Variants in CCSER1 observed in about 807,000 individuals in gnomAD.
CCSER1 encodes the protein serine-rich coiled-coil domain-containing protein 1.
A neutral mutation model predicts 82.0 loss-of-function variants in CCSER1; 41 were observed. The observed-to-expected ratio is 0.50, with a 90% CI of 0.39 to 0.65. The LOEUF is 0.65. Ranked by LOEUF, CCSER1 falls within the 30% of genes least tolerant of loss-of-function variation. The probability of loss-of-function intolerance (pLI) is 0.00; values close to 1 mark genes in which losing one functional copy is unlikely to be tolerated. For missense variants in CCSER1, 1,119 were observed against 1,064.2 expected (o/e 1.05, Z -0.72); for synonymous variants, 414 against 383.9 (o/e 1.08, Z -0.92).
intron 6 of CCSER1, among the ~76,000 whole-genome samples, chr4:90,718,419 T>C (rs1040358591): frequency 6.6e-6 from 1 of 152,138 alleles, no homozygotes; most frequent in Non-Finnish European, 1.5e-5. Flanking sequence ...GCATAATTAA[T>C]GGATCTGTAC....
chr4:90,919,029 A>T lies in CCSER1; in HGVS notation c.2095-4341A>T, dbSNP rs188685702. On this transcript the variant is annotated intron_variant, in intron 8 of 10. Transcript: ENST00000509176. ...TTTATATTAGTAGGCATTCTGTGGA[A>T]TTGTGCTTTTACAGGAAATACATTG... Among the ~76,000 whole-genome samples the T allele has an allele frequency of 2.0e-4, 29 of 146,262 alleles. No homozygotes were observed. In the East Asian group the frequency reaches 6.0e-3, roughly 30 times the overall value.
intron 5 of CCSER1, among the ~76,000 whole-genome samples, chr4:90,473,462 A>C (rs1440084853): frequency 6.6e-6 from 1 of 152,168 alleles, no homozygotes; most frequent in Non-Finnish European, 1.5e-5. Context: ...ACATATTGTC[A>C]TTCTCTCCAA....
chr4:90,467,102 C>T (rs116326781), intron 4 of CCSER1, among the ~76,000 whole-genome samples: 1,774 of 152,086 alleles, frequency 0.012, 14 homozygotes, highest in South Asian at 0.022. Flanking sequence ...AAAGAATATG[C>T]GTGGGCCGGG....
At chr4:90,390,608 T>C (rs1561150086) in intron 3 of CCSER1, among the ~76,000 whole-genome samples, 1 of 152,196 alleles carries the variant, frequency 6.6e-6, no homozygotes, top group Non-Finnish European at 1.5e-5. Context: ...GCAAAAGACA[T>C]GCTTTTGTCC....
intron 9 of CCSER1, among the ~76,000 whole-genome samples, chr4:90,950,884 T>TCTATG (rs1732837697): frequency 6.6e-6 from 1 of 152,142 alleles, no homozygotes. Context: ...ATGTTACATT[T>TCTATG]CTAAGTTTCA....
chr4:90,551,704 C>CTCTCTCTA (rs1553940936), intron 5 of CCSER1, among the ~76,000 whole-genome samples: 2 of 107,538 alleles, frequency 1.9e-5, no homozygotes, highest in Non-Finnish European at 3.6e-5. Context: ...CTCTCTCTCT[C>CTCTCTCTA]TCTATATATA....
intron 5 of CCSER1, among the ~76,000 whole-genome samples, chr4:90,555,207 C>G (rs1257020709): frequency 6.6e-6 from 1 of 151,642 alleles, no homozygotes; most frequent in Non-Finnish European, 1.5e-5. Flanking sequence ...TACATAGGAA[C>G]GTTTCTTGAT....
chr4:90,397,377 C>CA (rs910833906), intron 3 of CCSER1, among the ~76,000 whole-genome samples: 6 of 151,970 alleles, frequency 3.9e-5, no homozygotes, highest in Non-Finnish European at 1.5e-5. Context: ...TTTCCCTGTT[C>CA]AAAAAATAAA....
intron 1 of CCSER1, among the ~76,000 whole-genome samples, chr4:90,227,853 G>T (rs549198344): frequency 3.3e-5 from 5 of 152,340 alleles, no homozygotes; most frequent in Admixed American, 3.3e-4. Flanking sequence ...GTCAAAGAAA[G>T]GGGTGACAGA....
chr4:91,213,157 G>A (rs926570409), intron 10 of CCSER1, among the ~76,000 whole-genome samples: 1 of 152,008 alleles, frequency 6.6e-6, no homozygotes, highest in Non-Finnish European at 1.5e-5. Flanking sequence ...CACCTTGGTT[G>A]ATTCCATGTC....
intron 8 of CCSER1, among the ~76,000 whole-genome samples, chr4:90,915,607 G>A (rs1453272203): frequency 2.0e-5 from 3 of 152,106 alleles, no homozygotes; most frequent in Non-Finnish European, 4.4e-5. Context: ...ACTGGCACAA[G>A]ACAGGGATGC....
chr4:90,270,359 C>A (rs554837838), intron 1 of CCSER1, among the ~76,000 whole-genome samples: 18 of 152,056 alleles, frequency 1.2e-4, no homozygotes, highest in Admixed American at 3.3e-4. Flanking sequence ...GATGATTCAA[C>A]ATATGCAAAT....
At chr4:91,135,872 A>G (rs1459078233) in intron 10 of CCSER1, among the ~76,000 whole-genome samples, 1 of 152,176 alleles carries the variant, frequency 6.6e-6, no homozygotes. Context: ...ACTAATCTAT[A>G]TTTGATGGTC....
chr4:90,606,444 A>G (rs915251968), intron 5 of CCSER1, among the ~76,000 whole-genome samples: 2 of 152,206 alleles, frequency 1.3e-5, no homozygotes, highest in African/African-American at 2.4e-5. Context: ...TAGCTATGAC[A>G]TCACGAGGCA....
chr4:90,674,749 C>G (rs1733510400), intron 6 of CCSER1, among the ~76,000 whole-genome samples: 1 of 151,648 alleles, frequency 6.6e-6, no homozygotes, highest in Non-Finnish European at 1.5e-5. Flanking sequence ...TCAGGCTTCT[C>G]TCCTTTTTTT....
At chr4:90,575,726 A>G (rs1780674152) in intron 5 of CCSER1, among the ~76,000 whole-genome samples, 1 of 152,034 alleles carries the variant, frequency 6.6e-6, no homozygotes, top group Admixed American at 6.6e-5. Flanking sequence ...TTTTACTCTT[A>G]ATTCTATTCT....
At chr4:90,892,709 CT>C (rs1402324160) in intron 8 of CCSER1, among the ~76,000 whole-genome samples, 3 of 151,764 alleles carry the variant, frequency 2.0e-5, no homozygotes, top group African/African-American at 7.3e-5. Context: ...TTATTGATTT[CT>C]TAACTTAAAA....
chr4:90,232,332 A>G (rs1304863171), intron 1 of CCSER1, among the ~76,000 whole-genome samples: 1 of 151,546 alleles, frequency 6.6e-6, no homozygotes, highest in African/African-American at 2.4e-5. Flanking sequence ...ATCTACAACT[A>G]TCTGATCTTT....
intron 1 of CCSER1, among the ~76,000 whole-genome samples, chr4:90,208,330 A>G (rs566008331): frequency 2.6e-5 from 4 of 152,274 alleles, no homozygotes; most frequent in African/African-American, 9.6e-5. Flanking sequence ...CTCAAGCCTC[A>G]GTAATGGCAG....
Sources: gnomAD v4.1 joint callset for allele counts (sites outside exome capture counted in the v4.1 genomes callset) on GRCh38, gnomAD v4.1.1 for gene constraint, MANE v1.5 for transcripts, NCBI Gene and HGNC (gene_info 2026-07-23, HGNC 2026-07-21) for gene names.